The following ROBO1 variants were observed in gnomAD, a reference collection of about 807,000 sequenced individuals.
ROBO1 encodes the protein roundabout homolog 1.
ROBO1 carries 149 observed loss-of-function variants against 195.9 expected under a neutral mutation model. The ratio of observed to expected loss-of-function variants is 0.76; its 90% CI spans 0.67 to 0.87. The LOEUF is 0.87. Ranked by LOEUF, ROBO1 falls within the 40% of genes least tolerant of loss-of-function variation. ROBO1 has a pLI of 0.00. For missense variants in ROBO1, 1,933 were observed against 2,068.3 expected, an observed-to-expected ratio of 0.93 and a Z score of 1.27; for synonymous variants, 816 against 733.2, an observed-to-expected ratio of 1.11 and a Z score of -1.82.
intron 4 of ROBO1, among the ~76,000 whole-genome samples, chr3:78,918,229 T>C (rs985920466): frequency 6.6e-6 from 1 of 152,108 alleles, no homozygotes; most frequent in African/African-American, 2.4e-5. Context: ...TCCCATGAAA[T>C]AGGTTAAATT....
chr3:79,049,766 T>G (rs2078661828), intron 3 of ROBO1, among the ~76,000 whole-genome samples: 2 of 152,094 alleles, frequency 1.3e-5, no homozygotes, highest in South Asian at 4.2e-4. Context: ...AGAAATGAAT[T>G]TTTAACCCAG....
chr3:78,784,909 C>A (rs1234180026), intron 4 of ROBO1, among the ~76,000 whole-genome samples: 1 of 152,152 alleles, frequency 6.6e-6, no homozygotes, highest in African/African-American at 2.4e-5. Context: ...TAGATGACTA[C>A]TAACTTCTCT....
chr3:79,135,976 T>G (rs2108598450), intron 2 of ROBO1, among the ~76,000 whole-genome samples: 1 of 152,268 alleles, frequency 6.6e-6, no homozygotes, highest in Non-Finnish European at 1.5e-5. Context: ...TTAAAAAGTT[T>G]AAAGGATGGT....
chr3:79,354,031 C>T (rs572821119), intron 2 of ROBO1, among the ~76,000 whole-genome samples: 30 of 150,106 alleles, frequency 2.0e-4, no homozygotes, highest in Non-Finnish European at 3.0e-4. Context: ...GGCGACAGAG[C>T]GAGACTCTGT....
intron 10 of ROBO1, among the ~76,000 whole-genome samples, chr3:78,678,192 T>C (rs1453189026): frequency 1.9e-4 from 29 of 151,730 alleles, no homozygotes; most frequent in Admixed American, 5.9e-4. Context: ...GAGGGAAATT[T>C]ATAGCACTAA....
intron 5 of ROBO1, among the ~76,000 whole-genome samples, chr3:78,733,467 A>C (rs2108203481): frequency 6.6e-6 from 1 of 152,218 alleles, no homozygotes; most frequent in Middle Eastern, 3.4e-3. Context: ...CGTCCATACT[A>C]TCATAAGCAA....
At chr3:79,050,793 C>A (rs2078681625) in intron 3 of ROBO1, among the ~76,000 whole-genome samples, 1 of 152,120 alleles carries the variant, frequency 6.6e-6, no homozygotes, top group South Asian at 2.1e-4. Context: ...ATAGAACAAC[C>A]TGCTCCTCAA....
chr3:79,302,580 C>A (rs1480774366), intron 2 of ROBO1, among the ~76,000 whole-genome samples: 2 of 152,138 alleles, frequency 1.3e-5, no homozygotes. Context: ...TCTTCCCCTT[C>A]AAATTCATTT....
chr3:78,693,506 A>G (rs1440330808), intron 8 of ROBO1: 2 of 576,224 alleles, frequency 3.5e-6, no homozygotes, highest in Non-Finnish European at 6.0e-6. Flanking sequence ...CACACTGTAC[A>G]TGGATGAATA....
intron 2 of ROBO1, among the ~76,000 whole-genome samples, chr3:79,567,723 T>C (rs1943136490): frequency 2.0e-5 from 3 of 152,144 alleles, no homozygotes; most frequent in Admixed American, 2.0e-4. Flanking sequence ...TTAACTGGTA[T>C]TGTTTCTACT....
At chr3:79,396,125 A>G (rs2106747874) in intron 2 of ROBO1, among the ~76,000 whole-genome samples, 1 of 152,238 alleles carries the variant, frequency 6.6e-6, no homozygotes, top group East Asian at 1.9e-4. Context: ...CTTGAGGAAT[A>G]AACAATATTT....
intron 2 of ROBO1, among the ~76,000 whole-genome samples, chr3:79,242,988 C>G (rs9811841): frequency 0.033 from 4,356 of 131,334 alleles, 288 homozygotes; most frequent in African/African-American, 0.12. Flanking sequence ...CCCCCTCCCC[C>G]CCACCCCACA....
chr3:79,550,198 A>AG (rs1942449098), intron 2 of ROBO1, among the ~76,000 whole-genome samples: 1 of 20,836 alleles, frequency 4.8e-5, no homozygotes, highest in Admixed American at 4.3e-4. Flanking sequence ...AAAGAAAGGA[A>AG]AAGAAAAGAA....
chr3:79,281,302 A>C (rs947284659), intron 2 of ROBO1, among the ~76,000 whole-genome samples: 15 of 149,386 alleles, frequency 1.0e-4, no homozygotes, highest in African/African-American at 3.6e-4. Flanking sequence ...ATATATTCTT[A>C]TTTATTGATT....
At chr3:78,682,648 T>C (rs1298822665) in intron 10 of ROBO1, among the ~76,000 whole-genome samples, 3 of 147,714 alleles carry the variant, frequency 2.0e-5, no homozygotes, top group African/African-American at 7.4e-5. Context: ...TATTTTTTAA[T>C]GTGACTGTGT....
intron 4 of ROBO1, among the ~76,000 whole-genome samples, chr3:78,835,391 A>G (rs190181685): frequency 4.6e-5 from 7 of 152,306 alleles, no homozygotes; most frequent in Admixed American, 4.6e-4. Flanking sequence ...CTTGGCAGAC[A>G]AGACACCTGA....
At chr3:79,372,420 A>G (rs542646084) in intron 2 of ROBO1, among the ~76,000 whole-genome samples, 8 of 152,018 alleles carry the variant, frequency 5.3e-5, no homozygotes, top group Non-Finnish European at 8.8e-5. Context: ...CATGTTGACC[A>G]GGATAGTCTC....
intron 1 of ROBO1, among the ~76,000 whole-genome samples, chr3:79,741,074 T>C (rs996257708): frequency 6.6e-6 from 1 of 152,208 alleles, no homozygotes; most frequent in Non-Finnish European, 1.5e-5. Context: ...AAGGAAATAT[T>C]GGAAAACTTG....
intron 26 of ROBO1, among the ~76,000 whole-genome samples, chr3:78,625,731 A>G (rs759287427): frequency 4.6e-5 from 7 of 152,248 alleles, no homozygotes; most frequent in Non-Finnish European, 8.8e-5. Flanking sequence ...CATAAGTATG[A>G]TACAAACTGA....
Sources: gnomAD v4.1 joint callset for allele counts (sites outside exome capture counted in the v4.1 genomes callset) on GRCh38, gnomAD v4.1.1 for gene constraint, MANE v1.5 for transcripts, NCBI Gene and HGNC (gene_info 2026-07-23, HGNC 2026-07-21) for gene names.